The following PTPRT variants were observed in gnomAD, a reference collection of about 807,000 sequenced individuals.
PTPRT encodes receptor-type tyrosine-protein phosphatase T.
PTPRT carries 56 observed loss-of-function variants against 176.8 expected under a neutral mutation model. That is an observed-to-expected ratio of 0.32 (90% CI 0.26 to 0.40). The LOEUF (loss-of-function observed/expected upper bound fraction) is 0.40. Among genes scored for constraint, PTPRT ranks in the 10% least tolerant of loss-of-function variants. The pLI, the probability that PTPRT is intolerant of heterozygous loss-of-function variation, is 1.00. For missense variants in PTPRT, 1,540 were observed against 1,908.2 expected, an observed-to-expected ratio of 0.81 and a Z score of 3.60; for synonymous variants, 783 against 739.0, an observed-to-expected ratio of 1.06 and a Z score of -0.96.
intron 7 of PTPRT, among the ~76,000 whole-genome samples, chr20:42,538,264 A>C (rs760752182): frequency 1.3e-5 from 2 of 152,164 alleles, no homozygotes; most frequent in African/African-American, 2.4e-5. Flanking sequence ...AAAGGTTCCA[A>C]GCTGCTCAGC....
intron 7 of PTPRT, among the ~76,000 whole-genome samples, chr20:42,667,152 T>C (rs914187682): frequency 1.3e-5 from 2 of 152,226 alleles, no homozygotes; most frequent in Non-Finnish European, 2.9e-5. Context: ...AGTGTATTCC[T>C]GGAAAACACC....
intron 2 of PTPRT, among the ~76,000 whole-genome samples, chr20:42,861,779 A>G (rs532832280): frequency 4.6e-5 from 7 of 152,164 alleles, no homozygotes; most frequent in Non-Finnish European, 7.3e-5. Flanking sequence ...ATTTGAGTTG[A>G]GTTGACATGC....
At chr20:42,913,881 T>C (rs1252633895) in intron 1 of PTPRT, among the ~76,000 whole-genome samples, 1 of 152,228 alleles carries the variant, frequency 6.6e-6, no homozygotes. Context: ...GTGAGATTTT[T>C]CAAAAGCCTT....
chr20:42,252,135 G>T (rs1306723043), intron 13 of PTPRT, among the ~76,000 whole-genome samples: 1 of 152,186 alleles, frequency 6.6e-6, no homozygotes, highest in Non-Finnish European at 1.5e-5. Flanking sequence ...AAAGGAGAAA[G>T]AACTGTCAAG....
chr20:43,141,534 C>A (rs1485722160), intron 1 of PTPRT, among the ~76,000 whole-genome samples: 8 of 152,146 alleles, frequency 5.3e-5, no homozygotes, highest in Admixed American at 5.2e-4. Flanking sequence ...AAACCTCAGG[C>A]AGTGTCACAT....
At chr20:42,034,769 C>T in the PTPRT span, among the ~76,000 whole-genome samples, 2 of 152,122 alleles carry the variant, frequency 1.3e-5, no homozygotes, top group African/African-American at 4.8e-5. Flanking sequence ...TTTTGTTATG[C>T]TGACACATTC....
Position 42,080,710 on chromosome 20 carries a change from C to T in PTPRT, c.*169G>A, listed in dbSNP as rs1162023257. ...CAGCATCTCCCACGGCAACAGGAGA[C>T]CCCTCAGAAGGTGCAGAGCCCCCCG... On this transcript the variant is annotated 3_prime_UTR_variant, in exon 31 of 31. Coordinates refer to ENST00000373187, the MANE Select transcript of PTPRT (RefSeq NM_007050.6). 5.4e-6 allele frequency: 3 copies of T among 557,126 alleles called. No individual in the cohort carries two copies. Among genetic ancestry groups the T allele is most frequent in the African/African-American group, 3.8e-5 (2 of 52,572 alleles). The allele number at this position is 557,126 out of a possible 1,614,324, so 34.5% of individuals were successfully genotyped here.
At chr20:42,590,493 G>A (rs1247543504) in intron 7 of PTPRT, among the ~76,000 whole-genome samples, 1 of 152,100 alleles carries the variant, frequency 6.6e-6, no homozygotes, top group Non-Finnish European at 1.5e-5. Context: ...TGACCTTAAG[G>A]AGACCATAGC....
At chr20:42,556,571 C>A (rs1224391666) in intron 7 of PTPRT, among the ~76,000 whole-genome samples, 1 of 151,384 alleles carries the variant, frequency 6.6e-6, no homozygotes, top group Non-Finnish European at 1.5e-5. Flanking sequence ...TATCCCCTAT[C>A]TATAATAGAT....
At chr20:42,881,724 CA>C (rs112191705) in intron 2 of PTPRT, among the ~76,000 whole-genome samples, 3,575 of 36,572 alleles carry the variant, frequency 0.098, 35 homozygotes, top group African/African-American at 0.16. Flanking sequence ...CACTCTGTCT[CA>C]AAAAAAAAAA....
intron 6 of PTPRT, among the ~76,000 whole-genome samples, chr20:42,703,503 T>C (rs1192070341): frequency 6.6e-6 from 1 of 152,184 alleles, no homozygotes; most frequent in Non-Finnish European, 1.5e-5. Context: ...GTCTTGGCTA[T>C]GGTAGGCAGA....
chr20:42,140,799 G>A (rs755199479), intron 18 of PTPRT, among the ~76,000 whole-genome samples: 1 of 152,150 alleles, frequency 6.6e-6, no homozygotes, highest in South Asian at 2.1e-4. Flanking sequence ...AATAAAATAA[G>A]GTGGAATGAT....
chr20:42,309,533 A>T (rs191209502), intron 12 of PTPRT, among the ~76,000 whole-genome samples: 138 of 152,308 alleles, frequency 9.1e-4, no homozygotes, highest in African/African-American at 3.1e-3. Context: ...AAATGGCTCA[A>T]ACAACATCTC....
chr20:43,108,018 T>A (rs1285045767), intron 1 of PTPRT, among the ~76,000 whole-genome samples: 4 of 151,784 alleles, frequency 2.6e-5, no homozygotes. Context: ...AGTGTATTTT[T>A]CAAAGATGGT....
intron 19 of PTPRT, among the ~76,000 whole-genome samples, chr20:42,124,178 C>A (rs1987737404): frequency 1.3e-5 from 2 of 152,246 alleles, no homozygotes; most frequent in African/African-American, 4.8e-5. Flanking sequence ...TCAATTGGGG[C>A]TCCTCTGGGG....
chr20:42,573,169 C>T (rs2073189259), intron 7 of PTPRT, among the ~76,000 whole-genome samples: 1 of 152,020 alleles, frequency 6.6e-6, no homozygotes, highest in South Asian at 2.1e-4. Context: ...GCAGGGTGCC[C>T]ACAGGAAGAT....
chr20:42,707,537 A>G (rs560834197), intron 6 of PTPRT, among the ~76,000 whole-genome samples: 48 of 152,204 alleles, frequency 3.2e-4, no homozygotes, highest in African/African-American at 1.0e-3. Flanking sequence ...AAGATGAAGG[A>G]AGCACATGAC....
intron 4 of PTPRT, among the ~76,000 whole-genome samples, chr20:42,778,170 G>A (rs1257483705): frequency 3.3e-5 from 5 of 152,168 alleles, no homozygotes; most frequent in Admixed American, 2.6e-4. Context: ...GAGACTTTGG[G>A]GGGTGGAAAG....
intron 7 of PTPRT, among the ~76,000 whole-genome samples, chr20:42,613,446 T>C (rs2145830887): frequency 6.6e-6 from 1 of 152,378 alleles, no homozygotes; most frequent in South Asian, 2.1e-4. Flanking sequence ...ATGCAGCTCT[T>C]TGAAGACACA....
Sources: gnomAD v4.1 joint callset for allele counts (sites outside exome capture counted in the v4.1 genomes callset) on GRCh38, gnomAD v4.1.1 for gene constraint, MANE v1.5 for transcripts, NCBI Gene and HGNC (gene_info 2026-07-23, HGNC 2026-07-21) for gene names.